The following TMEM120B variants were observed in gnomAD, a reference collection of about 807,000 sequenced individuals.
TMEM120B encodes the protein transmembrane protein 120B.
In TMEM120B, 31 loss-of-function variants were observed where a neutral mutation model predicts 55.5. The ratio of observed to expected loss-of-function variants is 0.56; its 90% CI spans 0.42 to 0.75. TMEM120B has a LOEUF of 0.75. Ranked by LOEUF, TMEM120B falls within the 30% of genes least tolerant of loss-of-function variation. The pLI, the probability that TMEM120B is intolerant of heterozygous loss-of-function variation, is 0.00. For synonymous variants in TMEM120B, 203 were observed against 176.3 expected, an observed-to-expected ratio of 1.15 and a Z score of -1.20; for missense variants, 399 against 425.5, an observed-to-expected ratio of 0.94 and a Z score of 0.55.
Position 121,775,618 on chromosome 12 carries a change from C to T in TMEM120B, c.916C>T (p.Leu306=). 1.2e-6 allele frequency: 2 copies of T among 1,613,730 alleles called. No individual in the cohort carries two copies. The highest frequency in any genetic ancestry group is 1.7e-6 in the Non-Finnish European group (2 of 1,179,814). Residue 306 remains leucine (L), a synonymous_variant, in exon 12 of 12, where the codon CTG becomes TTG. Coordinates refer to ENST00000449592, the MANE Select transcript of TMEM120B (RefSeq NM_001080825.2). The surrounding 1 kb of genome is among the most constrained non-coding windows in gnomAD (Gnocchi z 4.3). ...CTCTGGACTCCCCCAGGTGTTCGTA[C>T]TGGCGTTCACCTTCCTCATCCTCTT... ...EECREWQVFV[L]AFTFLILFLG...
At chr12:121,751,900 C>G (rs1034522134) in intron 4 of TMEM120B, among the ~76,000 whole-genome samples, 1 of 152,218 alleles carries the variant, frequency 6.6e-6, no homozygotes, top group Non-Finnish European at 1.5e-5. Context: ...GGGCCCAGAG[C>G]CCCAGACCAG....
At chr12:121,741,782 G>C (rs922120077) in intron 1 of TMEM120B, among the ~76,000 whole-genome samples, 2 of 151,966 alleles carry the variant, frequency 1.3e-5, no homozygotes, top group Non-Finnish European at 2.9e-5. Flanking sequence ...ACAGGCGTGA[G>C]CCACCATGCC....
rs1874271075 is a variant in TMEM120B, at chr12:121,777,036, AC to A, written c.*1316del. The A allele has an allele frequency of 6.7e-6, 1 of 150,042 alleles. No individual in the cohort carries two copies. The highest frequency in any genetic ancestry group is 2.1e-4 in the South Asian group (1 of 4,714). The allele number at this position is 150,042 out of a possible 1,614,324, so 9.3% of individuals were successfully genotyped here. A position where few individuals can be genotyped will look rare whatever the true frequency, so the allele number is the denominator to read the frequency against. The stretch of plus-strand genomic sequence containing the variant: ...AGTGACACAATCTCAGCTCACTGCA[AC>A]CTCTGCCTCCCAGGTTCAAGTGATT... On this transcript the variant is annotated 3_prime_UTR_variant, in exon 12 of 12. Transcript: ENST00000449592.
Position 121,776,193 on chromosome 12 carries a change from T to G in TMEM120B, c.*471T>G, listed in dbSNP as rs1332959620. ...CCCCGGGGCCACTCTGCTTCTGCTG[T>G]GAGCCCCCTCCTCGCCCACCCCGCC... On this transcript the variant is annotated 3_prime_UTR_variant, in exon 12 of 12. Coordinates refer to ENST00000449592, the MANE Select transcript of TMEM120B (RefSeq NM_001080825.2). 1 of 306,400 alleles carries G rather than the reference T, an allele frequency of 3.3e-6. No individual in the cohort carries two copies. The highest frequency in any genetic ancestry group is 5.5e-5 in the East Asian group (1 of 18,122). The allele number at this position is 306,400 out of a possible 1,614,324, so 19.0% of individuals were successfully genotyped here. A position where few individuals can be genotyped will look rare whatever the true frequency, so the allele number is the denominator to read the frequency against.
intron 1 of TMEM120B, among the ~76,000 whole-genome samples, chr12:121,716,177 G>T (rs974991042): frequency 1.5e-4 from 22 of 151,696 alleles, no homozygotes; most frequent in African/African-American, 4.8e-4. Flanking sequence ...GTGTGGTGGT[G>T]CATGGTTGTG....
In TMEM120B at chr12:121,772,441, T is replaced by TC. The variant is rs539809473; in HGVS notation, c.679+892_679+893insC. Among the ~76,000 whole-genome samples the TC allele has an allele frequency of 1.3e-3, 192 of 150,002 alleles. 1 individual carries two copies. The highest frequency in any genetic ancestry group is 4.4e-3 in the African/African-American group (181 of 40,970). ...CACCACGCCGTACCGTTTCTTTCTT[T>TC]TTTTTTTTTTTTGAGATGGAGTTTC... is the stretch of plus-strand genomic sequence containing the variant. On this transcript the variant is annotated intron_variant, in intron 8 of 11. Coordinates refer to ENST00000449592, the MANE Select transcript of TMEM120B (RefSeq NM_001080825.2).
intron 2 of TMEM120B, among the ~76,000 whole-genome samples, chr12:121,747,237 G>C (rs544843886): frequency 6.7e-6 from 1 of 148,872 alleles, no homozygotes; most frequent in East Asian, 2.0e-4. Flanking sequence ...GGGAACTGCG[G>C]TTGCGAGAGG....
In TMEM120B at chr12:121,780,626, C is replaced by G. The variant is rs1874415480; in HGVS notation, c.*4904C>G. The G allele has an allele frequency of 1.8e-6, 1 of 571,328 alleles. No homozygotes were observed. Among genetic ancestry groups the G allele is most frequent in the Non-Finnish European group, 3.1e-6 (1 of 326,306 alleles). The allele number at this position is 571,328 out of a possible 1,614,324, so 35.4% of individuals were successfully genotyped here. Reference sequence around the variant, plus strand: ...GGGCAAGCTGCTTAACCTCTCTGGGCCTCAGTTTCTCCCCCTGTAAACTGG... The same window carrying G: ...GGGCAAGCTGCTTAACCTCTCTGGGGCTCAGTTTCTCCCCCTGTAAACTGG... On this transcript the variant is annotated 3_prime_UTR_variant, in exon 12 of 12. Transcript: ENST00000449592.
At chr12:121,720,537 C>T (rs1894773645) in intron 1 of TMEM120B, among the ~76,000 whole-genome samples, 1 of 152,044 alleles carries the variant, frequency 6.6e-6, no homozygotes, top group Non-Finnish European at 1.5e-5. Flanking sequence ...TGGCAAAACC[C>T]CTGTCTCTAC....
Position 121,739,250 on chromosome 12 carries a change from G to A in TMEM120B, c.70-4379G>A, listed in dbSNP as rs374839362. 3.3e-5 allele frequency among the ~76,000 whole-genome samples: 5 copies of A among 152,074 alleles called. No homozygotes were observed. In the South Asian group the frequency reaches 6.2e-4, roughly 19 times the overall value. ...AGACAGAGATTGGGAGATTGTTCTA[G>A]ATTAAAGGAGAGTAAAGAGATATGA... On this transcript the variant is annotated intron_variant, in intron 1 of 11. Coordinates refer to ENST00000449592, the MANE Select transcript of TMEM120B (RefSeq NM_001080825.2).
At chr12:121,727,794 A>G (rs763260780) in intron 1 of TMEM120B, among the ~76,000 whole-genome samples, 4 of 148,442 alleles carry the variant, frequency 2.7e-5, no homozygotes, top group African/African-American at 4.9e-5. Flanking sequence ...GAATGGCGTG[A>G]ACCCGGGAGG....
intron 6 of TMEM120B, among the ~76,000 whole-genome samples, chr12:121,768,380 C>G (rs1434308643): frequency 6.6e-6 from 1 of 152,224 alleles, no homozygotes; most frequent in Non-Finnish European, 1.5e-5. Context: ...CAGCATAACT[C>G]CTGGGGAACA....
rs138595689 is a variant in TMEM120B, at chr12:121,719,787, C to T, written c.69+6823C>T. 1.6e-4 allele frequency among the ~76,000 whole-genome samples: 25 copies of T among 152,082 alleles called. No individual in the cohort carries two copies. In the East Asian group the frequency reaches 2.3e-3, roughly 14 times the overall value. Reference sequence around the variant, plus strand: ...TCGGCTCACTGCAACCTCTGCCTCTCGGGTTCAAGTGATTCTCCTGCCTCA... The same window carrying T: ...TCGGCTCACTGCAACCTCTGCCTCTTGGGTTCAAGTGATTCTCCTGCCTCA... On this transcript the variant is annotated intron_variant, in intron 1 of 11. Coordinates refer to ENST00000449592, the MANE Select transcript of TMEM120B (RefSeq NM_001080825.2).
intron 5 of TMEM120B, among the ~76,000 whole-genome samples, chr12:121,752,755 AAAAG>A (rs1200113448): frequency 3.9e-5 from 6 of 151,956 alleles, no homozygotes; most frequent in African/African-American, 1.5e-4. Context: ...CACCCCAAAA[AAAAG>A]GAGTTCACTG....
intron 5 of TMEM120B, among the ~76,000 whole-genome samples, chr12:121,756,139 T>C (rs868389052): frequency 9.8e-5 from 15 of 152,314 alleles, no homozygotes; most frequent in Admixed American, 2.6e-4. Flanking sequence ...AAGATGTTCA[T>C]GTCCTGGTCT....
chr12:121,735,942 G>A (rs180788518), intron 1 of TMEM120B, among the ~76,000 whole-genome samples: 18 of 152,070 alleles, frequency 1.2e-4, no homozygotes, highest in Admixed American at 2.0e-4. Context: ...CACCCGCATC[G>A]GCCTCCCAAA....
intron 4 of TMEM120B, among the ~76,000 whole-genome samples, chr12:121,751,477 G>A (rs1435087533): frequency 1.4e-5 from 2 of 147,562 alleles, no homozygotes; most frequent in Non-Finnish European, 1.5e-5. Flanking sequence ...AGAGGCCTCC[G>A]GCATTCTGTT....
chr12:121,762,074 C>T (rs553794067), intron 6 of TMEM120B, among the ~76,000 whole-genome samples: 1 of 152,190 alleles, frequency 6.6e-6, no homozygotes, highest in Admixed American at 6.5e-5. Context: ...GGGCAGATCA[C>T]GAGGTCAGGA....
chr12:121,730,610 C>T (rs1341421561), intron 1 of TMEM120B, among the ~76,000 whole-genome samples: 2 of 145,794 alleles, frequency 1.4e-5, no homozygotes, highest in Non-Finnish European at 3.0e-5. Flanking sequence ...GAGATCACTC[C>T]ACTGCACTCC....
Sources: gnomAD v4.1 joint callset for allele counts (sites outside exome capture counted in the v4.1 genomes callset) on GRCh38, gnomAD v4.1.1 for gene constraint, Gnocchi (gnomAD v3.1) non-coding constraint, MANE v1.5 for transcripts, NCBI Gene and HGNC (gene_info 2026-07-23, HGNC 2026-07-21) for gene names.